The following SLC13A1 variants were observed in gnomAD, a reference collection of about 807,000 sequenced individuals.
SLC13A1 encodes solute carrier family 13 member 1.
SLC13A1 carries 65 observed loss-of-function variants against 70.0 expected under a neutral mutation model. That is an observed-to-expected ratio of 0.93 (90% confidence interval 0.76 to 1.14). SLC13A1 has a LOEUF of 1.14. Ranked by LOEUF, SLC13A1 falls within the 50% of genes most tolerant of loss-of-function variation. The pLI is 0.00. For synonymous variants in SLC13A1, 275 were observed against 250.5 expected, an observed-to-expected ratio of 1.10 and a Z score of -0.92; for missense variants, 726 against 717.8, an observed-to-expected ratio of 1.01 and a Z score of -0.13.
intron 1 of SLC13A1, among the ~76,000 whole-genome samples, chr7:123,199,048 G>A (rs1438657374): frequency 1.3e-5 from 2 of 152,112 alleles, no homozygotes; most frequent in African/African-American, 4.8e-5. Flanking sequence ...GTTTGTAAGT[G>A]GTAAATCTGG....
intron 1 of SLC13A1, 22 bp downstream of exon 1, chr7:123,199,826 T>C (rs1796296464): frequency 6.5e-7 from 1 of 1,539,174 alleles, no homozygotes; most frequent in African/African-American, 1.4e-5. Context: ...AATCCACCAG[T>C]CTGTTCTCCA....
chr7:123,129,181 T>C (rs942223997), intron 9 of SLC13A1, among the ~76,000 whole-genome samples: 3 of 152,144 alleles, frequency 2.0e-5, no homozygotes, highest in Non-Finnish European at 4.4e-5. Context: ...GTATGTGTTT[T>C]ATCATGTTGA....
chr7:123,123,863 AAAG>A (rs942812310), intron 11 of SLC13A1, among the ~76,000 whole-genome samples: 27 of 152,292 alleles, frequency 1.8e-4, no homozygotes, highest in African/African-American at 5.5e-4. Flanking sequence ...CTTTGTTGAT[AAAG>A]AAGTTCATTT....
intron 1 of SLC13A1, among the ~76,000 whole-genome samples, chr7:123,181,956 A>G (rs1200264507): frequency 6.6e-6 from 1 of 152,112 alleles, no homozygotes; most frequent in Non-Finnish European, 1.5e-5. Context: ...GTCTGGCACT[A>G]CTGCTGTCTG....
chr7:123,179,756 A>T (rs995503835), intron 2 of SLC13A1, among the ~76,000 whole-genome samples: 14 of 152,124 alleles, frequency 9.2e-5, no homozygotes, highest in African/African-American at 2.7e-4. Flanking sequence ...TCTTTTTAAC[A>T]GTTAATTTAG....
intron 8 of SLC13A1, among the ~76,000 whole-genome samples, chr7:123,132,197 A>T (rs749018194): frequency 1.3e-5 from 2 of 152,104 alleles, no homozygotes; most frequent in Non-Finnish European, 2.9e-5. Flanking sequence ...CACAATCTGG[A>T]TAGAATTATC....
chr7:123,155,447 G>T (rs1454212055), intron 6 of SLC13A1, among the ~76,000 whole-genome samples: 1 of 151,438 alleles, frequency 6.6e-6, no homozygotes, highest in African/African-American at 2.4e-5. Context: ...ATATTTGTTT[G>T]CCTCTCTGAT....
At chr7:123,178,707 G>A (rs181491198) in intron 2 of SLC13A1, among the ~76,000 whole-genome samples, 101 of 151,990 alleles carry the variant, frequency 6.6e-4, no homozygotes, top group African/African-American at 2.2e-3. Context: ...TTACCCTGTC[G>A]GCAAAAAGGA....
chr7:123,171,005 C>G (rs1795253952), intron 3 of SLC13A1, among the ~76,000 whole-genome samples: 1 of 151,800 alleles, frequency 6.6e-6, no homozygotes, highest in African/African-American at 2.4e-5. Context: ...ATGAAAAACA[C>G]AGATGTGTCT....
intron 7 of SLC13A1, 21 bp from the exon 8 acceptor site, chr7:123,134,550 G>C (rs764134656): frequency 6.2e-7 from 1 of 1,609,386 alleles, no homozygotes; most frequent in Admixed American, 1.7e-5. Context: ...ACATGGAGAC[G>C]TGTTCAGGGA....
intron 6 of SLC13A1, chr7:123,148,569 T>C (rs1214620606): frequency 2.6e-6 from 1 of 389,464 alleles, no homozygotes; most frequent in Admixed American, 3.5e-5. Flanking sequence ...TGATTCTTCC[T>C]CTTCCTGTGG....
intron 7 of SLC13A1, among the ~76,000 whole-genome samples, chr7:123,145,492 G>A (rs890298868): frequency 5.3e-5 from 8 of 152,138 alleles, no homozygotes; most frequent in African/African-American, 1.4e-4. Context: ...CTGGATATTA[G>A]AAAAAGAAAT....
In SLC13A1 at chr7:123,134,502, G is replaced by T; in HGVS notation, c.840C>A (p.Asn280Lys). The T allele has an allele frequency of 6.2e-7, 1 of 1,613,462 alleles. No individual in the cohort carries two copies. The highest frequency in any genetic ancestry group is 8.5e-7 in the Non-Finnish European group (1 of 1,179,572). Residue 280 changes from asparagine to lysine, a missense_variant, in exon 8 of 15, where the codon AAC becomes AAA. Coordinates refer to ENST00000194130, the MANE Select transcript of SLC13A1 (RefSeq NM_022444.4). Reference protein sequence around the residue: ...NTRYPDCRCLNFGSWFTFSFP... With the variant: ...NTRYPDCRCLKFGSWFTFSFP... ...AGGAAAACGTAAACCATGATCCAAAGTTGAGGCAACGACAGTCAGGATAGC... is the reference window on the plus strand; with the variant it reads ...AGGAAAACGTAAACCATGATCCAAATTTGAGGCAACGACAGTCAGGATAGC...
intron 1 of SLC13A1, among the ~76,000 whole-genome samples, chr7:123,183,099 G>C (rs777942672): frequency 2.6e-5 from 4 of 151,998 alleles, no homozygotes; most frequent in Non-Finnish European, 5.9e-5. Flanking sequence ...ATACCAACAA[G>C]CCCCCAGATC....
chr7:123,139,041 T>C (rs1267964286), intron 7 of SLC13A1, among the ~76,000 whole-genome samples: 1 of 152,118 alleles, frequency 6.6e-6, no homozygotes, highest in Non-Finnish European at 1.5e-5. Context: ...AGTAGTTTCA[T>C]AGTTTGAGGT....
chr7:123,128,782 C>G, intron 10 of SLC13A1, 63 bp downstream of exon 10: 1 of 997,532 alleles, frequency 1.0e-6, no homozygotes, highest in Non-Finnish European at 1.5e-6. Flanking sequence ...TTACAGGAAC[C>G]ACACAGGAGA....
Position 123,176,539 on chromosome 7 carries a change from A to G in SLC13A1, c.228+4434T>C, listed in dbSNP as rs201928506. On this transcript the variant is annotated intron_variant, in intron 2 of 14. Transcript: ENST00000194130. ...TCTTAGTTATGTAATTTACCAGTTC[A>G]GCAACCTTTCTACAAATCAATAAAT... is the stretch of plus-strand genomic sequence containing the variant. 6.6e-5 allele frequency among the ~76,000 whole-genome samples: 10 copies of G among 152,312 alleles called. 1 individual carries two copies. In the East Asian group the frequency reaches 1.9e-3, roughly 29 times the overall value.
chr7:123,181,232 T>G, intron 1 of SLC13A1, 131 bp from the exon 2 acceptor site: 1 of 875,034 alleles, frequency 1.1e-6, no homozygotes, highest in South Asian at 2.5e-5. Flanking sequence ...CTCTGCATCT[T>G]TGAGTTGCCC....
At chr7:123,198,301 GGGAGTGGCA>G (rs1796246373) in intron 1 of SLC13A1, among the ~76,000 whole-genome samples, 1 of 122,492 alleles carries the variant, frequency 8.2e-6, no homozygotes, top group Admixed American at 8.2e-5. Flanking sequence ...GAGCCGGGGT[GGGAGTGGCA>G]GGGTGGGAGG....
Sources: gnomAD v4.1 joint callset for allele counts (sites outside exome capture counted in the v4.1 genomes callset) on GRCh38, gnomAD v4.1.1 for gene constraint, MANE v1.5 for transcripts, NCBI Gene and HGNC (gene_info 2026-07-23, HGNC 2026-07-21) for gene names.